TRMT11: variants seen among roughly 807,000 people sequenced by gnomAD.
The protein encoded by TRMT11 is tRNA methyltransferase 11, also known as tRNA (guanine(10)-N(2))-methyltransferase TRMT11.
In TRMT11, 53 loss-of-function variants were observed where a neutral mutation model predicts 62.8. That is an observed-to-expected ratio of 0.84 (90% CI 0.68 to 1.06). The LOEUF (loss-of-function observed/expected upper bound fraction) is 1.06. Ranked by LOEUF, TRMT11 falls within the 50% of genes least tolerant of loss-of-function variation. The pLI is 0.00. For missense variants in TRMT11, 556 were observed against 553.4 expected, an observed-to-expected ratio of 1.00 and a Z score of -0.05; for synonymous variants, 188 against 190.3, an observed-to-expected ratio of 0.99 and a Z score of 0.10.
chr6:126,114,042 C>T (rs997822683), intron 18 of TRMT11, among the ~76,000 whole-genome samples: 9 of 152,016 alleles, frequency 5.9e-5, no homozygotes, highest in African/African-American at 1.4e-4. Flanking sequence ...GTAACTAGCA[C>T]ATTCAAAAAT....
At chr6:126,051,228 T>A (rs906436335) in intron 16 of TRMT11, among the ~76,000 whole-genome samples, 2 of 152,136 alleles carry the variant, frequency 1.3e-5, no homozygotes, top group South Asian at 4.1e-4. Context: ...GAAGTGAGTT[T>A]GGAAGGGTAG....
At chr6:126,163,496 A>G (rs1778221356) in intron 21 of TRMT11, among the ~76,000 whole-genome samples, 1 of 152,186 alleles carries the variant, frequency 6.6e-6, no homozygotes, top group Admixed American at 6.5e-5. Context: ...TTCCTCAGGG[A>G]TATCGGCCTG....
chr6:126,176,304 C>CA (rs1369248684), upstream of TRMT11, among the ~76,000 whole-genome samples: 1 of 152,006 alleles, frequency 6.6e-6, no homozygotes, highest in Non-Finnish European at 1.5e-5. Flanking sequence ...AAATATAGTG[C>CA]AATTTAATAT....
chr6:126,052,223 G>T (rs2128110046), intron 16 of TRMT11, among the ~76,000 whole-genome samples: 1 of 152,316 alleles, frequency 6.6e-6, no homozygotes, highest in Non-Finnish European at 1.5e-5. Context: ...GAGCTACATT[G>T]TAGAGTTAGG....
chr6:126,214,072 G>A, the TRMT11 span, among the ~76,000 whole-genome samples: 1 of 151,964 alleles, frequency 6.6e-6, no homozygotes, highest in Non-Finnish European at 1.5e-5. Flanking sequence ...AACGATCTTT[G>A]CATCTCTGCG....
intron 12 of TRMT11, among the ~76,000 whole-genome samples, chr6:126,038,180 A>G (rs1016587775): frequency 1.3e-5 from 2 of 152,000 alleles, no homozygotes; most frequent in Non-Finnish European, 2.9e-5. Flanking sequence ...TTCATCTACT[A>G]TGTTCACTTA....
the TRMT11 span, among the ~76,000 whole-genome samples, chr6:126,257,548 C>T: frequency 2.6e-5 from 4 of 152,116 alleles, no homozygotes; most frequent in Non-Finnish European, 4.4e-5. Context: ...CCTTCCTCTT[C>T]AATTTTCTGG....
At chr6:125,991,506 T>C (rs1035773854) in intron 1 of TRMT11, among the ~76,000 whole-genome samples, 1 of 152,030 alleles carries the variant, frequency 6.6e-6, no homozygotes. Context: ...GAGCTCTCAC[T>C]GTGTTGCCAG....
At chr6:126,078,813 C>T (rs916482668) in intron 17 of TRMT11, among the ~76,000 whole-genome samples, 8 of 152,106 alleles carry the variant, frequency 5.3e-5, no homozygotes, top group African/African-American at 9.7e-5. Context: ...ATGATGGCCA[C>T]GTCACACTTT....
chr6:126,093,279 T>G (rs1777296096), intron 17 of TRMT11, among the ~76,000 whole-genome samples: 1 of 151,990 alleles, frequency 6.6e-6, no homozygotes, highest in Non-Finnish European at 1.5e-5. Context: ...CATTGCTTAA[T>G]ATGAACTTCA....
chr6:126,112,292 C>T (rs1438262444), intron 17 of TRMT11, among the ~76,000 whole-genome samples: 1 of 152,160 alleles, frequency 6.6e-6, no homozygotes, highest in Middle Eastern at 3.2e-3. Flanking sequence ...CAGTCAGCAA[C>T]ACTGTGCTAA....
intron 21 of TRMT11, among the ~76,000 whole-genome samples, chr6:126,159,845 G>A (rs373947070): frequency 1.9e-4 from 29 of 152,112 alleles, no homozygotes; most frequent in African/African-American, 6.5e-4. Flanking sequence ...CTGTGTGTTT[G>A]TCTCTGTGTC....
the TRMT11 span, among the ~76,000 whole-genome samples, chr6:126,211,077 A>G: frequency 1.3e-5 from 2 of 151,608 alleles, no homozygotes; most frequent in African/African-American, 2.4e-5. Flanking sequence ...AATACAAACA[A>G]TGAGAGGTGG....
intron 21 of TRMT11, among the ~76,000 whole-genome samples, chr6:126,155,284 T>C (rs915021448): frequency 6.6e-6 from 1 of 152,046 alleles, no homozygotes; most frequent in Non-Finnish European, 1.5e-5. Flanking sequence ...GAGAACTCAC[T>C]CACTATCACA....
chr6:126,003,801 G>A (rs1022338535), intron 7 of TRMT11, among the ~76,000 whole-genome samples: 1 of 151,876 alleles, frequency 6.6e-6, no homozygotes, highest in African/African-American at 2.4e-5. Context: ...ATTTTTCTGT[G>A]ATGTATGCTG....
downstream of TRMT11, among the ~76,000 whole-genome samples, chr6:126,203,916 A>ATT (rs1017183339): frequency 2.9e-5 from 4 of 137,702 alleles, no homozygotes; most frequent in East Asian, 2.5e-4. Flanking sequence ...TGGGATCATC[A>ATT]TTTTGTGTGT....
the TRMT11 span, among the ~76,000 whole-genome samples, chr6:126,254,333 G>A: frequency 6.6e-6 from 1 of 152,200 alleles, no homozygotes; most frequent in Admixed American, 6.5e-5. Flanking sequence ...GAGAGCTAGT[G>A]AGCAGTTATA....
chr6:126,253,219 A>G, the TRMT11 span, among the ~76,000 whole-genome samples: 1 of 152,174 alleles, frequency 6.6e-6, no homozygotes, highest in East Asian at 1.9e-4. Context: ...ACACAGGGTC[A>G]GGATCATAAA....
downstream of TRMT11, among the ~76,000 whole-genome samples, chr6:126,204,341 G>T (rs1292637654): frequency 2.6e-5 from 4 of 152,160 alleles, no homozygotes; most frequent in African/African-American, 7.2e-5. Flanking sequence ...CCCCATCTGT[G>T]AGCTACATTG....
Sources: allele counts gnomAD v4.1 joint callset (sites outside exome capture counted in the v4.1 genomes callset), GRCh38; gene constraint gnomAD v4.1.1; transcripts MANE v1.5; gene names NCBI Gene and HGNC (gene_info 2026-07-23, HGNC 2026-07-21).